MUC5AC: variants seen among roughly 807,000 people sequenced by gnomAD.
MUC5AC encodes mucin 5AC, oligomeric mucus/gel-forming.
A neutral mutation model predicts 169.7 loss-of-function variants in MUC5AC; 158 were observed. The ratio of observed to expected loss-of-function variants is 0.93; its 90% CI spans 0.82 to 1.06. MUC5AC has a LOEUF of 1.06. Ranked by LOEUF, MUC5AC falls within the 50% of genes least tolerant of loss-of-function variation. The pLI is 0.00. For missense variants in MUC5AC, 4,359 were observed against 3,089.9 expected (o/e 1.41, Z -9.74); for synonymous variants, 1,975 against 1,237.0 (o/e 1.60, Z -12.52).
At position 1,192,175 on chromosome 11, in the gene MUC5AC, G is replaced by T; in HGVS notation, c.14030G>T (p.Arg4677Leu). 1.3e-6 allele frequency: 1 copy of T among 765,102 alleles called. No individual in the cohort carries two copies. The highest frequency in any genetic ancestry group is 2.4e-6 in the Non-Finnish European group (1 of 417,898). 47.4% of individuals were successfully genotyped at this position (765,102 alleles called of 1,614,324 possible). A position where few individuals can be genotyped will look rare whatever the true frequency, so the allele number is the denominator to read the frequency against. Reference sequence around the variant, plus strand: ...GAGGAGATCACCAGGCTCCAGTGCCGAGCCGAGAGCCACCCGGAGGTGAAC... The same window carrying T: ...GAGGAGATCACCAGGCTCCAGTGCCTAGCCGAGAGCCACCCGGAGGTGAAC... ...RPEEITRLQCRAESHPEVNIE... is the reference protein window; with the variant it reads ...RPEEITRLQCLAESHPEVNIE... Residue 4677 changes from arginine to leucine, a missense_variant, in exon 31 of 49, where the codon CGA becomes CTA. Coordinates refer to ENST00000621226, the MANE Select transcript of MUC5AC (RefSeq NM_001304359.2).
chr11:1,188,629 C>T lies in MUC5AC; in HGVS notation c.10484C>T (p.Ala3495Val). 1 of 765,050 alleles carries T rather than the reference C, an allele frequency of 1.3e-6. No homozygotes were observed. Among genetic ancestry groups the T allele is most frequent in the Non-Finnish European group, 2.4e-6 (1 of 417,820 alleles). The allele number at this position is 765,050 out of a possible 1,614,324, so 47.4% of individuals were successfully genotyped here. A position where few individuals can be genotyped will look rare whatever the true frequency, so the allele number is the denominator to read the frequency against. Reference sequence around the variant, plus strand: ...AGCCCTGTTACCACCACCAGCACAGCCTCTGTTTCAAAGACCAGCACAAGC... The same window carrying T: ...AGCCCTGTTACCACCACCAGCACAGTCTCTGTTTCAAAGACCAGCACAAGC... ...TPSPVTTTST[A>V]SVSKTSTSHV... Residue 3495 changes from alanine (A) to valine (V), a missense_variant, in exon 31 of 49, where the codon GCC (alanine) becomes GTC (valine). Physicochemically the swap from Ala to Val is moderately conservative, Grantham distance 64. Coordinates refer to ENST00000621226, the MANE Select transcript of MUC5AC (RefSeq NM_001304359.2).
intron 36 of MUC5AC, 115 bp downstream of exon 36, chr11:1,195,394 C>A: frequency 2.2e-6 from 1 of 446,280 alleles, no homozygotes; most frequent in East Asian, 5.5e-5. Flanking sequence ...GAAACGAGAG[C>A]TGCTGGTACC....
In MUC5AC at chr11:1,195,999, C is replaced by G; in HGVS notation, c.15582C>G (p.Leu5194=). The G allele has an allele frequency of 1.3e-6, 1 of 764,970 alleles. No homozygotes were observed. Among genetic ancestry groups the G allele is most frequent in the Non-Finnish European group, 2.4e-6 (1 of 417,810 alleles). 47.4% of individuals were successfully genotyped at this position (764,970 alleles called of 1,614,324 possible). The change falls in exon 37 of 49, where the codon CTC becomes CTG. Residue 5194 remains leucine (L), a synonymous_variant. Transcript: ENST00000621226. ...CCAGCCTGGAGCTGTACGCGGCACTCTGTGCGTCCCACGACATCTGCATCG... is the reference window on the plus strand; with the variant it reads ...CCAGCCTGGAGCTGTACGCGGCACTGTGTGCGTCCCACGACATCTGCATCG... ...VCSSLELYAA[L]CASHDICIDW...
Position 1,160,620 on chromosome 11 carries a change from C to T in MUC5AC, c.82C>T (p.Gln28Ter). The T allele has an allele frequency of 6.2e-7, 1 of 1,608,746 alleles. No homozygotes were observed. The highest frequency in any genetic ancestry group is 8.5e-7 in the Non-Finnish European group (1 of 1,179,354). ...LACTRHTGHA[Q>*]DGSSESSYKH... ...CCCTCCTCTTTCTGCAGGCCATGCCCAGGATGGCTCCTCCGAATCCAGCTA... is the reference window on the plus strand; with the variant it reads ...CCCTCCTCTTTCTGCAGGCCATGCCTAGGATGGCTCCTCCGAATCCAGCTA... Residue 28 changes from glutamine (Q) to a stop codon, truncating the protein, a stop_gained, in exon 2 of 49, where the codon CAG (glutamine) becomes TAG (stop). Coordinates refer to ENST00000621226, the MANE Select transcript of MUC5AC (RefSeq NM_001304359.2). LOFTEE classifies it high-confidence loss of function.
chr11:1,165,510 T>C, intron 10 of MUC5AC, 91 bp downstream of exon 10: 1 of 1,577,226 alleles, frequency 6.3e-7, no homozygotes, highest in Non-Finnish European at 8.6e-7. Flanking sequence ...CTCCCTCGTC[T>C]GGGCTACGGT....
At chr11:1,175,768 G>C (rs1308902873) in intron 19 of MUC5AC, among the ~76,000 whole-genome samples, 13 of 106,410 alleles carry the variant, frequency 1.2e-4, no homozygotes, top group Non-Finnish European at 3.7e-5. Flanking sequence ...TCATGCACAC[G>C]CTCACACACC....
At chr11:1,196,172 G>A in intron 37 of MUC5AC, 118 bp downstream of exon 37, 1 of 623,070 alleles carries the variant, frequency 1.6e-6, no homozygotes, top group Non-Finnish European at 2.9e-6. Context: ...GGAGGGGGCA[G>A]CCCCAGGGCA....
Position 1,192,017 on chromosome 11 carries a change from C to T in MUC5AC, c.13872C>T (p.Thr4624=). 2 of 765,156 alleles carry T rather than the reference C, an allele frequency of 2.6e-6. No homozygotes were observed. The highest frequency in any genetic ancestry group is 3.4e-5 in the Admixed American group (2 of 59,040). The allele number at this position is 765,156 out of a possible 1,614,324, so 47.4% of individuals were successfully genotyped here. Residue 4624 remains threonine (T), a synonymous_variant, in exon 31 of 49, where the codon ACC becomes ACT. Coordinates refer to ENST00000621226, the MANE Select transcript of MUC5AC (RefSeq NM_001304359.2). Reference sequence around the variant, plus strand: ...AGACAACCCACTCCCAACCAGTCACCAGTGACTGTCATCCTCTGTGCGCCT... The same window carrying T: ...AGACAACCCACTCCCAACCAGTCACTAGTGACTGTCATCCTCTGTGCGCCT... ...VSKTTHSQPV[T]SDCHPLCAWT...
chr11:1,196,788 G>A (rs530869045), intron 39 of MUC5AC, 68 bp downstream of exon 39: 17 of 732,408 alleles, frequency 2.3e-5, no homozygotes, highest in Non-Finnish European at 4.2e-5. Flanking sequence ...CCAGGTCCTG[G>A]GGTCTACCCT....
chr11:1,200,033 G>A, intron 48 of MUC5AC, 64 bp downstream of exon 48: 1 of 668,894 alleles, frequency 1.5e-6, no homozygotes, highest in Non-Finnish European at 2.7e-6. Flanking sequence ...GGGCCCCCAG[G>A]GCTCTAGGTG....
chr11:1,197,688 G>A (rs965691014), intron 41 of MUC5AC, 49 bp downstream of exon 41: 12 of 653,208 alleles, frequency 1.8e-5, no homozygotes, highest in African/African-American at 8.9e-5. Context: ...CAGGTGACCC[G>A]GAGCCCACTC....
Position 1,188,176 on chromosome 11 carries a change from C to T in MUC5AC, c.10031C>T (p.Thr3344Ile), listed in dbSNP as rs1000753124. The change falls in exon 31 of 49, where the codon ACC (threonine) becomes ATC (isoleucine). Residue 3344 changes from threonine (T) to isoleucine (I), a missense_variant. Coordinates refer to ENST00000621226, the MANE Select transcript of MUC5AC (RefSeq NM_001304359.2). Reference protein sequence around the residue: ...TAPSTPSGRATSPTQSTSSWQ... With the variant: ...TAPSTPSGRAISPTQSTSSWQ... The stretch of plus-strand genomic sequence containing the variant: ...CCTAGCACCCCTAGTGGGAGAGCCA[C>T]CAGCCCAACTCAGAGCACTTCCTCT... 1.0e-5 allele frequency: 7 copies of T among 696,126 alleles called. No homozygotes were observed. The highest frequency in any genetic ancestry group is 2.5e-5 in the East Asian group (1 of 39,776). 43.1% of individuals were successfully genotyped at this position (696,126 alleles called of 1,614,324 possible). A position where few individuals can be genotyped will look rare whatever the true frequency, so the allele number is the denominator to read the frequency against.
At chr11:1,197,162 G>A (rs555478229) in intron 40 of MUC5AC, among the ~76,000 whole-genome samples, 2 of 152,288 alleles carry the variant, frequency 1.3e-5, no homozygotes, top group South Asian at 4.1e-4. Context: ...CTCTGTGGGT[G>A]GGTGCTGGCC....
Position 1,188,541 on chromosome 11 carries a change from C to T in MUC5AC, c.10396C>T (p.Pro3466Ser). The T allele has an allele frequency of 1.3e-6, 1 of 749,568 alleles. No individual in the cohort carries two copies. The highest frequency in any genetic ancestry group is 2.4e-5 in the East Asian group (1 of 41,028). The allele number at this position is 749,568 out of a possible 1,614,324, so 46.4% of individuals were successfully genotyped here. Residue 3466 changes from proline to serine, a missense_variant, in exon 31 of 49, where the codon CCA becomes TCA. By Grantham distance (74) the Pro-to-Ser change is moderately conservative. Transcript: ENST00000621226. ...SAPTSSTTST[P>S]QTSKTSAATS... ...CCCTACAAGCAGCACAACCTCCACT[C>T]CACAGACCAGCAAAACCTCAGCTGC...
Position 1,193,599 on chromosome 11 carries a change from G to A in MUC5AC, c.14695G>A (p.Gly4899Ser), listed in dbSNP as rs56077313. The A allele has an allele frequency of 3.0e-4, 229 of 764,946 alleles. 3 individuals are homozygous for A. The East Asian group carries it at 5.2e-3, about 17-fold the overall frequency. 47.4% of individuals were successfully genotyped at this position (764,946 alleles called of 1,614,324 possible). The stretch of plus-strand genomic sequence containing the variant: ...GGTGGAGAAGCCCACTTGTGCCAAC[G>A]GCTACCCGGCTGTGAAGGTGGCTGA... Reference protein sequence around the residue: ...PRVEKPTCANGYPAVKVADQD... With the variant: ...PRVEKPTCANSYPAVKVADQD... Residue 4899 changes from glycine to serine, a missense_variant, in exon 33 of 49, where the codon GGC (glycine) becomes AGC (serine). Physicochemically the swap from Gly to Ser is moderately conservative, Grantham distance 56. Coordinates refer to ENST00000621226, the MANE Select transcript of MUC5AC (RefSeq NM_001304359.2).
At position 1,194,690 on chromosome 11, in the gene MUC5AC, G is replaced by C; in HGVS notation, c.15190+20G>C. On this transcript the variant is annotated intron_variant, in intron 35 of 48. Coordinates refer to ENST00000621226, the MANE Select transcript of MUC5AC (RefSeq NM_001304359.2). ...AGTGCGGTGAGGCCACAGGGCTCCC[G>C]GGCATCGTCTGGCATTCGCGGGGGC... 1 of 732,958 alleles carries C rather than the reference G, an allele frequency of 1.4e-6. No individual in the cohort carries two copies. Among genetic ancestry groups the C allele is most frequent in the South Asian group, 1.4e-5 (1 of 70,858 alleles). The allele number at this position is 732,958 out of a possible 1,614,324, so 45.4% of individuals were successfully genotyped here. A position where few individuals can be genotyped will look rare whatever the true frequency, so the allele number is the denominator to read the frequency against.
rs1004895742 is a variant in MUC5AC, at chr11:1,177,126, C to T, written c.2793+60C>T. 2.5e-5 allele frequency: 10 copies of T among 398,544 alleles called. No homozygotes were observed. The Admixed American group carries it at 4.0e-4, about 16-fold the overall frequency. The allele number at this position is 398,544 out of a possible 1,614,324, so 24.7% of individuals were successfully genotyped here. A position where few individuals can be genotyped will look rare whatever the true frequency, so the allele number is the denominator to read the frequency against. ...CCCGTGGCCCGAAGCTGCTCACTGC[C>T]TCTCTGCGGCTGCCCCAGGGTGCAC... On this transcript the variant is annotated intron_variant, in intron 22 of 48. Transcript: ENST00000621226.
At chr11:1,176,401 G>A (rs924034958) in intron 20 of MUC5AC, 113 bp from the exon 21 acceptor site, 7 of 398,724 alleles carry the variant, frequency 1.8e-5, no homozygotes, top group South Asian at 2.6e-4. Context: ...ATGCGCTCCC[G>A]GACTCCCTGG....
rs1280989871 is a variant in MUC5AC, at chr11:1,192,542, G to A, written c.14380+17G>A. 1 of 762,164 alleles carries A rather than the reference G, an allele frequency of 1.3e-6. No individual in the cohort carries two copies. The highest frequency in any genetic ancestry group is 1.7e-5 in the African/African-American group (1 of 59,088). The allele number at this position is 762,164 out of a possible 1,614,324, so 47.2% of individuals were successfully genotyped here. ...ACCCTGCAGGTTCGTGAGTGTTTCT[G>A]GTGCAATTGTTTCTGAGCTCACCCT... On this transcript the variant is annotated intron_variant, in intron 31 of 48. Coordinates refer to ENST00000621226, the MANE Select transcript of MUC5AC (RefSeq NM_001304359.2).
Sources: allele counts gnomAD v4.1 joint callset (sites outside exome capture counted in the v4.1 genomes callset), GRCh38; gene constraint gnomAD v4.1.1; transcripts MANE v1.5; gene names NCBI Gene and HGNC (gene_info 2026-07-23, HGNC 2026-07-21).